The following STPG4 variants were observed in gnomAD, a reference collection of about 807,000 sequenced individuals.
STPG4 encodes the protein protein STPG4.
Under a neutral mutation model 31.5 loss-of-function variants are expected in STPG4, and 41 were observed. That is an observed-to-expected ratio of 1.30 (90% CI 1.01 to 1.69). STPG4 has a LOEUF of 1.69. STPG4 is among the 40% of genes most tolerant of loss of function. The pLI, the probability that STPG4 is intolerant of heterozygous loss-of-function variation, is 0.00. For synonymous variants in STPG4, 141 were observed against 103.0 expected (o/e 1.37, Z -2.24); for missense variants, 375 against 293.4 (o/e 1.28, Z -2.03).
intron 3 of STPG4, among the ~76,000 whole-genome samples, chr2:47,149,908 C>A (rs1283766767): frequency 6.6e-6 from 1 of 152,174 alleles, no homozygotes; most frequent in African/African-American, 2.4e-5. Context: ...GGAATACCTC[C>A]TTTGGATTCC....
intron 5 of STPG4, among the ~76,000 whole-genome samples, chr2:47,109,489 G>A (rs958904163): frequency 3.8e-4 from 58 of 151,624 alleles, no homozygotes; most frequent in African/African-American, 1.3e-3. Flanking sequence ...CCTGGGAAGC[G>A]GAGATTGCAG....
chr2:47,115,713 C>T (rs1157683858), intron 5 of STPG4, among the ~76,000 whole-genome samples: 3 of 134,198 alleles, frequency 2.2e-5, no homozygotes, highest in African/African-American at 8.4e-5. Flanking sequence ...AGTGCAATGA[C>T]GCGATCTCGG....
At chr2:47,100,516 G>C (rs7371532) in intron 5 of STPG4, among the ~76,000 whole-genome samples, 72,827 of 144,624 alleles carry the variant, frequency 0.5, 20,870 homozygotes, top group East Asian at 0.76. Flanking sequence ...AGCAGGATGT[G>C]GGTGGGGCCA....
chr2:47,144,476 G>A (rs1435634695), intron 3 of STPG4, among the ~76,000 whole-genome samples: 1 of 152,084 alleles, frequency 6.6e-6, no homozygotes, highest in Non-Finnish European at 1.5e-5. Context: ...TTGAGTCCAG[G>A]AGTTTAAAAC....
chr2:47,125,336 G>T (rs1048370438), intron 5 of STPG4, among the ~76,000 whole-genome samples: 4 of 152,128 alleles, frequency 2.6e-5, no homozygotes, highest in African/African-American at 7.2e-5. Flanking sequence ...GGGAAGGATT[G>T]CTTACACTAG....
chr2:47,115,810 G>T (rs1573169699), intron 5 of STPG4, among the ~76,000 whole-genome samples: 1 of 152,040 alleles, frequency 6.6e-6, no homozygotes, highest in South Asian at 2.1e-4. Flanking sequence ...ACGCTGCCAT[G>T]CACGACTAAT....
intron 5 of STPG4, among the ~76,000 whole-genome samples, chr2:47,122,525 C>A (rs1034273051): frequency 6.6e-6 from 1 of 151,932 alleles, no homozygotes; most frequent in Non-Finnish European, 1.5e-5. Flanking sequence ...GAATCTAACA[C>A]CTTTTCCAAG....
At chr2:47,091,149 GA>G (rs1368512917) in intron 5 of STPG4, among the ~76,000 whole-genome samples, 2 of 132,084 alleles carry the variant, frequency 1.5e-5, no homozygotes, top group Non-Finnish European at 3.1e-5. Flanking sequence ...AGAAGGAAGG[GA>G]AGGGAGGGAG....
intron 5 of STPG4, among the ~76,000 whole-genome samples, chr2:47,095,672 G>C (rs1685656679): frequency 6.6e-6 from 1 of 152,242 alleles, no homozygotes; most frequent in African/African-American, 2.4e-5. Context: ...TGGGAATACA[G>C]TGATATATGA....
chr2:47,132,692 T>G lies in STPG4; in HGVS notation c.400-2432A>C, dbSNP rs1156351065. 3.3e-5 allele frequency among the ~76,000 whole-genome samples: 5 copies of G among 152,228 alleles called. No homozygotes were observed. In the East Asian group the frequency reaches 9.6e-4, roughly 29 times the overall value. On this transcript the variant is annotated intron_variant, in intron 3 of 6. Coordinates refer to ENST00000445927, the MANE Select transcript of STPG4 (RefSeq NM_001163561.2). Reference sequence around the variant, plus strand: ...ATTCCTGGGGGCCAGCAATGTCCTATTTCCTGATTCTGATGACAATTACGT... The same window carrying G: ...ATTCCTGGGGGCCAGCAATGTCCTAGTTCCTGATTCTGATGACAATTACGT...
intron 3 of STPG4, among the ~76,000 whole-genome samples, chr2:47,145,021 T>C (rs992100208): frequency 5.3e-5 from 8 of 152,348 alleles, no homozygotes; most frequent in African/African-American, 9.6e-5. Flanking sequence ...TGAGCCACCG[T>C]GCCCAGCCAC....
chr2:47,150,907 C>T (rs1315673369), intron 3 of STPG4, among the ~76,000 whole-genome samples: 1 of 152,066 alleles, frequency 6.6e-6, no homozygotes, highest in African/African-American at 2.4e-5. Context: ...AGGGTTTTCT[C>T]TTTAAAAGAA....
intron 5 of STPG4, among the ~76,000 whole-genome samples, chr2:47,107,557 C>T (rs1474959369): frequency 2.6e-5 from 4 of 152,170 alleles, no homozygotes; most frequent in Non-Finnish European, 5.9e-5. Context: ...ATGCCTGAGC[C>T]TCCCACCCCC....
intron 6 of STPG4, among the ~76,000 whole-genome samples, chr2:47,090,024 T>A (rs1223398244): frequency 6.6e-6 from 1 of 152,184 alleles, no homozygotes; most frequent in African/African-American, 2.4e-5. Context: ...ACTGGCCCCA[T>A]AATTCAGCCA....
intron 5 of STPG4, among the ~76,000 whole-genome samples, chr2:47,122,720 T>G (rs1686296520): frequency 6.6e-6 from 1 of 152,210 alleles, no homozygotes; most frequent in South Asian, 2.1e-4. Context: ...TATGCGGTCT[T>G]TTTTGATCCT....
At chr2:47,154,327 G>A (rs745428549) in intron 1 of STPG4, among the ~76,000 whole-genome samples, 1 of 152,114 alleles carries the variant, frequency 6.6e-6, no homozygotes, top group Non-Finnish European at 1.5e-5. Flanking sequence ...CACTTTTATA[G>A]TCACAGAAAT....
At chr2:47,113,198 G>A (rs1042995854) in intron 5 of STPG4, among the ~76,000 whole-genome samples, 1 of 152,102 alleles carries the variant, frequency 6.6e-6, no homozygotes, top group Admixed American at 6.6e-5. Context: ...TCTTTCATGG[G>A]ACTTACATTC....
chr2:47,100,788 G>C (rs973963581), intron 5 of STPG4, among the ~76,000 whole-genome samples: 3 of 151,332 alleles, frequency 2.0e-5, no homozygotes, highest in African/African-American at 7.4e-5. Context: ...CACTCACCAC[G>C]AAAGTCTGCA....
intron 5 of STPG4, among the ~76,000 whole-genome samples, chr2:47,116,849 T>C (rs1186585238): frequency 6.6e-6 from 1 of 151,982 alleles, no homozygotes; most frequent in Non-Finnish European, 1.5e-5. Context: ...GGGTGGTATA[T>C]GTCAACTCTT....
Sources: gnomAD v4.1 joint callset for allele counts (sites outside exome capture counted in the v4.1 genomes callset) on GRCh38, gnomAD v4.1.1 for gene constraint, MANE v1.5 for transcripts, NCBI Gene and HGNC (gene_info 2026-07-23, HGNC 2026-07-21) for gene names.